Variants in LINGO2 observed in about 807,000 individuals in gnomAD.
LINGO2 encodes the protein leucine-rich repeat and immunoglobulin-like domain-containing nogo receptor-interacting protein 2.
Under a neutral mutation model 30.6 loss-of-function variants are expected in LINGO2, and 14 were observed. The observed-to-expected ratio is 0.46, with a 90% CI of 0.30 to 0.72. The LOEUF (loss-of-function observed/expected upper bound fraction) is 0.72. Ranked by LOEUF, LINGO2 falls within the 30% of genes least tolerant of loss-of-function variation. LINGO2 has a pLI of 0.07. For synonymous variants in LINGO2, 317 were observed against 288.5 expected, an observed-to-expected ratio of 1.10 and a Z score of -1.00; for missense variants, 729 against 751.7, an observed-to-expected ratio of 0.97 and a Z score of 0.35.
chr9:27,963,390 G>A (rs1358917898), intron 5 of LINGO2, among the ~76,000 whole-genome samples: 3 of 152,128 alleles, frequency 2.0e-5, no homozygotes, highest in Non-Finnish European at 4.4e-5. Context: ...AGAGTGAAGA[G>A]ATTGGTAAAA....
chr9:28,954,950 TGGGACTGTAA>T, the LINGO2 span, among the ~76,000 whole-genome samples: 2 of 152,070 alleles, frequency 1.3e-5, no homozygotes, highest in African/African-American at 4.8e-5. Flanking sequence ...ACCCCATACC[TGGGACTGTAA>T]TGACTCATAC....
At chr9:29,199,615 T>C in the LINGO2 span, among the ~76,000 whole-genome samples, 1 of 151,996 alleles carries the variant, frequency 6.6e-6, no homozygotes, top group South Asian at 2.1e-4. Context: ...CCAATAGAGG[T>C]GGCCAGAAAA....
chr9:28,627,108 T>C (rs541256838), intron 1 of LINGO2, among the ~76,000 whole-genome samples: 3 of 152,156 alleles, frequency 2.0e-5, no homozygotes, highest in African/African-American at 4.8e-5. Flanking sequence ...AAATTTTGGA[T>C]AAATTTTATC....
intron 4 of LINGO2, among the ~76,000 whole-genome samples, chr9:28,055,750 T>C (rs756909284): frequency 2.0e-5 from 3 of 152,170 alleles, no homozygotes; most frequent in Non-Finnish European, 4.4e-5. Flanking sequence ...CAAGTCTCTC[T>C]TGGAAGTTTA....
chr9:28,473,835 T>C (rs1825623239), intron 2 of LINGO2, among the ~76,000 whole-genome samples: 1 of 152,112 alleles, frequency 6.6e-6, no homozygotes, highest in Non-Finnish European at 1.5e-5. Context: ...TTGAATATTA[T>C]CATAAAATGT....
chr9:29,166,840 C>T, the LINGO2 span, among the ~76,000 whole-genome samples: 3 of 152,062 alleles, frequency 2.0e-5, no homozygotes, highest in African/African-American at 7.2e-5. Flanking sequence ...CCTCAAAATT[C>T]ATTTAGATGC....
At chr9:28,138,057 T>A (rs1827566794) in intron 4 of LINGO2, among the ~76,000 whole-genome samples, 1 of 152,194 alleles carries the variant, frequency 6.6e-6, no homozygotes. Context: ...TAGATATCAT[T>A]CCTATTTTAT....
chr9:28,119,363 A>T (rs1172074154), intron 4 of LINGO2, among the ~76,000 whole-genome samples: 1 of 152,192 alleles, frequency 6.6e-6, no homozygotes, highest in African/African-American at 2.4e-5. Flanking sequence ...AGCTGTAATG[A>T]AGTAGTTAGA....
In LINGO2 at chr9:28,448,547, A is replaced by C. The variant is rs75353954; in HGVS notation, c.-279+27393T>G. Among the ~76,000 whole-genome samples the C allele has an allele frequency of 1.3e-4, 20 of 152,156 alleles. No individual in the cohort carries two copies. The East Asian group carries it at 3.7e-3, about 28-fold the overall frequency. ...TAAAGGCAATTGCAGGGGAGGGACA[A>C]CAAGTTCTTGATACCCAAGAACATA... On this transcript the variant is annotated intron_variant, in intron 2 of 5. Transcript: ENST00000379992.
At chr9:28,232,216 T>A (rs556655090) in intron 4 of LINGO2, among the ~76,000 whole-genome samples, 1 of 151,970 alleles carries the variant, frequency 6.6e-6, no homozygotes, top group Non-Finnish European at 1.5e-5. Context: ...CTGGCCATCA[T>A]GATGAAACCT....
intron 1 of LINGO2, among the ~76,000 whole-genome samples, chr9:28,537,455 A>G (rs1447237187): frequency 6.6e-6 from 1 of 152,174 alleles, no homozygotes; most frequent in African/African-American, 2.4e-5. Context: ...TTAACTTTTT[A>G]GAAAAATAGT....
At chr9:29,203,453 A>T in the LINGO2 span, among the ~76,000 whole-genome samples, 5 of 152,144 alleles carry the variant, frequency 3.3e-5, no homozygotes, top group Non-Finnish European at 5.9e-5. Context: ...TGTTCTTATG[A>T]CCCATGTCTT....
chr9:29,051,133 C>A, the LINGO2 span, among the ~76,000 whole-genome samples: 1 of 152,144 alleles, frequency 6.6e-6, no homozygotes, highest in Non-Finnish European at 1.5e-5. Context: ...TATAAACCTA[C>A]ATTAACACAT....
chr9:28,015,330 G>A (rs550968129), intron 4 of LINGO2, among the ~76,000 whole-genome samples: 2 of 152,030 alleles, frequency 1.3e-5, no homozygotes, highest in African/African-American at 4.8e-5. Context: ...TGTACATGGA[G>A]CTTACAAATT....
At chr9:29,077,257 C>T in the LINGO2 span, among the ~76,000 whole-genome samples, 1 of 144,250 alleles carries the variant, frequency 6.9e-6, no homozygotes, top group Non-Finnish European at 1.5e-5. Flanking sequence ...TTAATCTATA[C>T]TTTAAAAAAA....
intron 5 of LINGO2, among the ~76,000 whole-genome samples, chr9:28,003,662 C>T (rs1028244298): frequency 1.3e-5 from 2 of 152,126 alleles, no homozygotes; most frequent in Non-Finnish European, 2.9e-5. Context: ...GGGGTTTCAC[C>T]ATGTTAGCCA....
At chr9:28,738,281 C>A in the LINGO2 span, among the ~76,000 whole-genome samples, 1 of 152,074 alleles carries the variant, frequency 6.6e-6, no homozygotes, top group Non-Finnish European at 1.5e-5. Context: ...TTAATATTCT[C>A]TCTCTTTCTT....
chr9:29,123,187 A>T, the LINGO2 span, among the ~76,000 whole-genome samples: 1 of 152,226 alleles, frequency 6.6e-6, no homozygotes, highest in East Asian at 1.9e-4. Context: ...ACTAGACTAC[A>T]CCAGTTTTTA....
chr9:29,207,782 G>A, the LINGO2 span, among the ~76,000 whole-genome samples: 1 of 151,920 alleles, frequency 6.6e-6, no homozygotes, highest in Non-Finnish European at 1.5e-5. Flanking sequence ...GTAAAGACAG[G>A]CTATTCTTGA....
Sources: allele counts gnomAD v4.1 joint callset (sites outside exome capture counted in the v4.1 genomes callset), GRCh38; gene constraint gnomAD v4.1.1; transcripts MANE v1.5; gene names NCBI Gene and HGNC (gene_info 2026-07-23, HGNC 2026-07-21).